Variants in FRMD4A observed in about 807,000 individuals in gnomAD.
FRMD4A encodes FERM domain-containing protein 4A.
FRMD4A carries 29 observed loss-of-function variants against 129.1 expected under a neutral mutation model. That is an observed-to-expected ratio of 0.22 (90% CI 0.17 to 0.31). FRMD4A has a LOEUF of 0.31. FRMD4A is among the 10% of genes least tolerant of loss of function. The pLI is 1.00. For synonymous variants in FRMD4A, 634 were observed against 571.6 expected, an observed-to-expected ratio of 1.11 and a Z score of -1.56; for missense variants, 1,272 against 1,375.8, an observed-to-expected ratio of 0.92 and a Z score of 1.19.
intron 18 of FRMD4A, 23 bp from the exon 19 acceptor site, chr10:13,663,532 C>A: frequency 7.8e-7 from 1 of 1,283,458 alleles, no homozygotes; most frequent in Non-Finnish European, 1.1e-6. Context: ...AAAGCAATAG[C>A]CTATGAGTTC....
rs1346731265 is a variant in FRMD4A at position 13,796,560 on chromosome 10, G to T, written c.235C>A (p.Arg79=). 4 of 1,600,902 alleles carry T rather than the reference G, an allele frequency of 2.5e-6. No individual in the cohort carries two copies. Among genetic ancestry groups the T allele is most frequent in the South Asian group, 1.1e-5 (1 of 90,764 alleles). ...TGHLNWLQLD[R]RVLEHDFPKK... ...GGGAAGTCATGTTCCAATACTCTTC[G>T]ATCTAGCTGAAGCCAGTTTAAGTGT... The change falls in exon 5 of 25, where the codon CGA becomes AGA. Residue 79 remains arginine, a synonymous_variant. Transcript: ENST00000357447.
Position 14,090,835 on chromosome 10 carries a change from AT to A in FRMD4A, c.46-231924del, listed in dbSNP as rs111388048. ...ACCCAGACTAACATTTGAAAATTTA[AT>A]TTTATGTTTGTTTTTATTTTTTAAG... is the stretch of plus-strand genomic sequence containing the variant. On this transcript the variant is annotated intron_variant, in intron 2 of 24. Transcript: ENST00000357447. 8.3e-3 allele frequency among the ~76,000 whole-genome samples: 1,270 copies of A among 152,270 alleles called. 26 individuals carry two copies. Among genetic ancestry groups the A allele is most frequent in the African/African-American group, 0.029 (1,203 of 41,542 alleles).
chr10:14,152,309 T>C (rs926338112), intron 2 of FRMD4A, among the ~76,000 whole-genome samples: 1 of 151,788 alleles, frequency 6.6e-6, no homozygotes, highest in Non-Finnish European at 1.5e-5. Context: ...TTTGTATTTT[T>C]AGTACAGACG....
chr10:14,051,187 T>A (rs1475186296), intron 2 of FRMD4A, among the ~76,000 whole-genome samples: 1 of 152,228 alleles, frequency 6.6e-6, no homozygotes, highest in Non-Finnish European at 1.5e-5. Context: ...GATGCTCTCT[T>A]TCTCTGTGCT....
At chr10:13,955,112 C>CTTTT (rs71388139) in intron 2 of FRMD4A, among the ~76,000 whole-genome samples, 4 of 102,974 alleles carry the variant, frequency 3.9e-5, no homozygotes, top group Admixed American at 2.6e-4. Flanking sequence ...AATAATTCTG[C>CTTTT]TTTTTTTTTT....
At chr10:14,210,790 C>T (rs1347243317) in intron 2 of FRMD4A, among the ~76,000 whole-genome samples, 1 of 152,140 alleles carries the variant, frequency 6.6e-6, no homozygotes, top group Non-Finnish European at 1.5e-5. Context: ...TGCAGTGACA[C>T]AGTCTTGGCT....
chr10:14,088,945 C>T (rs1380188869), intron 2 of FRMD4A, among the ~76,000 whole-genome samples: 5 of 152,066 alleles, frequency 3.3e-5, no homozygotes, highest in Non-Finnish European at 7.4e-5. Flanking sequence ...AGGGGTGTGG[C>T]TGGAGGCTGT....
intron 2 of FRMD4A, among the ~76,000 whole-genome samples, chr10:14,052,601 C>T (rs1834313213): frequency 6.6e-6 from 1 of 152,162 alleles, no homozygotes. Context: ...TCTGGTCACC[C>T]AGGCTGGAGC....
intron 16 of FRMD4A, among the ~76,000 whole-genome samples, chr10:13,674,049 T>C (rs1003704707): frequency 6.6e-6 from 1 of 152,160 alleles, no homozygotes; most frequent in Non-Finnish European, 1.5e-5. Flanking sequence ...ATTACAGGCA[T>C]GAGCAGCTGT....
intron 6 of FRMD4A, among the ~76,000 whole-genome samples, chr10:13,781,578 A>G (rs568689157): frequency 2.4e-4 from 37 of 152,008 alleles, no homozygotes; most frequent in African/African-American, 8.9e-4. Context: ...GGGTTCCGCC[A>G]TGTTGGCCAG....
chr10:13,849,733 C>T (rs1244040967), intron 3 of FRMD4A, among the ~76,000 whole-genome samples: 2 of 150,516 alleles, frequency 1.3e-5, no homozygotes, highest in Non-Finnish European at 3.0e-5. Context: ...CCCGCCTCGG[C>T]CTCCCAAAGT....
intron 5 of FRMD4A, among the ~76,000 whole-genome samples, chr10:13,791,948 A>C (rs1459276141): frequency 1.3e-5 from 2 of 152,208 alleles, no homozygotes; most frequent in Admixed American, 1.3e-4. Flanking sequence ...AGAAAATGGC[A>C]AGACCTTCTC....
At chr10:14,212,684 A>T (rs745951071) in intron 2 of FRMD4A, among the ~76,000 whole-genome samples, 15 of 152,214 alleles carry the variant, frequency 9.9e-5, no homozygotes, top group Non-Finnish European at 1.6e-4. Flanking sequence ...TTTTTAGGGA[A>T]GGGATTTCAA....
chr10:14,043,137 C>G (rs1156945548), intron 2 of FRMD4A, among the ~76,000 whole-genome samples: 1 of 151,996 alleles, frequency 6.6e-6, no homozygotes, highest in African/African-American at 2.4e-5. Context: ...CCTTTTACTT[C>G]CAGAAGGTTA....
intron 2 of FRMD4A, among the ~76,000 whole-genome samples, chr10:13,999,201 C>A (rs1368665298): frequency 6.6e-6 from 1 of 152,084 alleles, no homozygotes; most frequent in Non-Finnish European, 1.5e-5. Context: ...TATAACCATG[C>A]TGCACGCTCC....
intron 2 of FRMD4A, among the ~76,000 whole-genome samples, chr10:14,082,633 C>T (rs1387780615): frequency 1.3e-5 from 2 of 152,142 alleles, no homozygotes; most frequent in African/African-American, 4.8e-5. Context: ...GACGAAAAGG[C>T]ACCTGAAACT....
chr10:13,691,111 G>A (rs527926363), intron 15 of FRMD4A, among the ~76,000 whole-genome samples: 2 of 152,130 alleles, frequency 1.3e-5, no homozygotes, highest in East Asian at 1.9e-4. Context: ...CCTCAGCCTC[G>A]AAAATAACTG....
At position 13,670,393 on chromosome 10, in the gene FRMD4A, A is replaced by G. The variant is rs371325347; in HGVS notation, c.1374+13T>C. On this transcript the variant is annotated intron_variant, in intron 17 of 24. Coordinates refer to ENST00000357447, the MANE Select transcript of FRMD4A (RefSeq NM_018027.5). The stretch of plus-strand genomic sequence containing the variant: ...AACATGAGAGAATCCAACAACAGAA[A>G]GGAAGGACGCACCTCTCCTTTGGGC... 3 of 1,611,528 alleles carry G rather than the reference A, an allele frequency of 1.9e-6. No homozygotes were observed. The African/African-American group carries it at 4.0e-5, about 22-fold the overall frequency.
chr10:14,284,317 G>A (rs1040605309), intron 2 of FRMD4A, among the ~76,000 whole-genome samples: 2 of 152,088 alleles, frequency 1.3e-5, no homozygotes, highest in East Asian at 1.9e-4. Flanking sequence ...AGTGATGGTG[G>A]TAACTGAAAT....
Sources: gnomAD v4.1 joint callset for allele counts (sites outside exome capture counted in the v4.1 genomes callset) on GRCh38, gnomAD v4.1.1 for gene constraint, MANE v1.5 for transcripts, NCBI Gene and HGNC (gene_info 2026-07-23, HGNC 2026-07-21) for gene names.